The following NME8 variants were observed in gnomAD, a reference collection of about 807,000 sequenced individuals.
NME8 encodes protein NME8.
In NME8, 72 loss-of-function variants were observed where a neutral mutation model predicts 82.3. That is an observed-to-expected ratio of 0.87 (90% CI 0.72 to 1.06). NME8 has a LOEUF of 1.06. Among genes scored for constraint, NME8 ranks in the 50% least tolerant of loss-of-function variants. The pLI is 0.00. For synonymous variants in NME8, 267 were observed against 228.5 expected (o/e 1.17, Z -1.52); for missense variants, 712 against 685.4 (o/e 1.04, Z -0.43).
chr7:37,885,277 A>C (rs2242027), intron 14 of NME8, 25 bp downstream of exon 14: 16 of 1,430,480 alleles, frequency 1.1e-5, no homozygotes, highest in Non-Finnish European at 1.6e-5. Context: ...ATGGGTCACT[A>C]TCTGTTTTCG....
chr7:37,850,149 T>C, intron 2 of NME8, 111 bp from the exon 3 acceptor site: 1 of 778,510 alleles, frequency 1.3e-6, no homozygotes, highest in Non-Finnish European at 2.2e-6. Flanking sequence ...ATACACCTAC[T>C]ATGTACCCAC....
intron 11 of NME8, among the ~76,000 whole-genome samples, chr7:37,869,609 C>T (rs946417578): frequency 6.6e-6 from 1 of 152,092 alleles, no homozygotes; most frequent in African/African-American, 2.4e-5. Flanking sequence ...GCAGCTCTCC[C>T]TCCAGAACAA....
chr7:37,859,725 G>A (rs1004211245), intron 6 of NME8, among the ~76,000 whole-genome samples: 3 of 152,096 alleles, frequency 2.0e-5, no homozygotes, highest in Non-Finnish European at 4.4e-5. Flanking sequence ...TCAATCCTGA[G>A]TCCTGCCATC....
chr7:37,858,957 C>G (rs1784555849), intron 6 of NME8, among the ~76,000 whole-genome samples: 1 of 152,010 alleles, frequency 6.6e-6, no homozygotes, highest in Non-Finnish European at 1.5e-5. Flanking sequence ...TTGGCACTGT[C>G]TCACCTTTCT....
intron 12 of NME8, among the ~76,000 whole-genome samples, chr7:37,882,705 T>C (rs894222450): frequency 7.9e-5 from 12 of 152,154 alleles, no homozygotes; most frequent in Non-Finnish European, 1.8e-4. Context: ...CTTTGAAGTA[T>C]GATTTTTTTA....
rs1407099256 is a variant in NME8 at position 37,900,291 on chromosome 7, G to A, written c.*63G>A. On this transcript the variant is annotated 3_prime_UTR_variant, in exon 18 of 18. Coordinates refer to ENST00000199447, the MANE Select transcript of NME8 (RefSeq NM_016616.5). ...TGTTCACGTCAATATACAACCATTT[G>A]GCACAGCTTCCTGGGAGGAATAATA... 6.6e-6 allele frequency: 1 copy of A among 152,162 alleles called. No homozygotes were observed. The highest frequency in any genetic ancestry group is 2.4e-5 in the African/African-American group (1 of 41,452). 9.4% of individuals were successfully genotyped at this position (152,162 alleles called of 1,614,324 possible).
At chr7:37,891,110 C>T (rs980381754) in intron 15 of NME8, among the ~76,000 whole-genome samples, 1 of 151,856 alleles carries the variant, frequency 6.6e-6, no homozygotes, top group Non-Finnish European at 1.5e-5. Flanking sequence ...CATTTTTAAA[C>T]CAGAATCCTT....
At chr7:37,875,970 G>A (rs2131959181) in intron 11 of NME8, among the ~76,000 whole-genome samples, 1 of 152,228 alleles carries the variant, frequency 6.6e-6, no homozygotes, top group South Asian at 2.1e-4. Flanking sequence ...CACTTTGGGA[G>A]GCCGAGACGG....
intron 12 of NME8, among the ~76,000 whole-genome samples, chr7:37,877,309 T>G (rs1784870545): frequency 6.6e-6 from 1 of 152,194 alleles, no homozygotes. Context: ...AAAGCTTGGA[T>G]CTACCATAAC....
At chr7:37,884,194 C>A (rs1246473551) in intron 12 of NME8, 109 bp from the exon 13 acceptor site, 4 of 782,252 alleles carry the variant, frequency 5.1e-6, no homozygotes, top group Non-Finnish European at 8.6e-6. Context: ...TTCAAAATTT[C>A]GTATGAGAAT....
At chr7:37,851,491 AGC>A (rs1309387699) in intron 5 of NME8, among the ~76,000 whole-genome samples, 69 of 148,794 alleles carry the variant, frequency 4.6e-4, no homozygotes, top group African/African-American at 1.7e-3. Flanking sequence ...ATTAACATTT[AGC>A]ATATGAATTA....
At chr7:37,864,443 T>C (rs1309556910) in intron 9 of NME8, 22 bp downstream of exon 9, 18 of 1,535,878 alleles carry the variant, frequency 1.2e-5, no homozygotes, top group Non-Finnish European at 1.5e-5. Context: ...TTTCCAACTA[T>C]GATTAAATTA....
chr7:37,898,823 A>G (rs1785270300), intron 17 of NME8, among the ~76,000 whole-genome samples: 1 of 152,190 alleles, frequency 6.6e-6, no homozygotes, highest in African/African-American at 2.4e-5. Flanking sequence ...GTCATTAATA[A>G]CATTGATTTG....
At chr7:37,887,351 A>T (rs976541705) in intron 14 of NME8, among the ~76,000 whole-genome samples, 13 of 152,138 alleles carry the variant, frequency 8.5e-5, no homozygotes, top group African/African-American at 2.9e-4. Context: ...TTTAATGTTT[A>T]TAATTTTATA....
chr7:37,898,874 C>T (rs1482252964), intron 17 of NME8, among the ~76,000 whole-genome samples: 1 of 152,106 alleles, frequency 6.6e-6, no homozygotes, highest in East Asian at 1.9e-4. Context: ...ATACACACAA[C>T]CCCTGACATA....
intron 12 of NME8, 108 bp from the exon 13 acceptor site, chr7:37,884,195 G>T (rs879003464): frequency 1.7e-5 from 13 of 786,028 alleles, no homozygotes; most frequent in African/African-American, 1.6e-4. Flanking sequence ...TCAAAATTTC[G>T]TATGAGAATA....
intron 5 of NME8, among the ~76,000 whole-genome samples, chr7:37,854,884 CACA>C (rs1208663212): frequency 2.0e-5 from 3 of 152,154 alleles, no homozygotes; most frequent in African/African-American, 7.2e-5. Context: ...TGAAGTCATG[CACA>C]ACATCTGGAC....
chr7:37,873,604 A>G lies in NME8; in HGVS notation c.819-3228A>G, dbSNP rs1366127590. ...GAAGATTTGTCCATGATGTTCTCAA[A>G]ATTGATCTCCACTCTATGTTTAATA... On this transcript the variant is annotated intron_variant, in intron 11 of 17. Transcript: ENST00000199447. 2.6e-5 allele frequency among the ~76,000 whole-genome samples: 4 copies of G among 152,168 alleles called. No homozygotes were observed. In the East Asian group the frequency reaches 7.7e-4, roughly 29 times the overall value.
Position 37,865,576 on chromosome 7 carries a change from GA to G in NME8, c.582del (p.Glu195AsnfsTer10). On this transcript the variant is annotated frameshift_variant, in exon 10 of 18. Coordinates refer to ENST00000199447, the MANE Select transcript of NME8 (RefSeq NM_016616.5). LOFTEE classifies it high-confidence loss of function. ...IEAEHKTVLTEEQVVNFYSRI... is the reference protein window; with the variant it reads ...IEAEHKTVLTXEQVVNFYSRI... ...AGCAGAGCATAAGACAGTGCTCACT[GA>G]AGAACAAGTTGTCAACTTCTATAGT... The G allele has an allele frequency of 6.2e-7, 1 of 1,613,516 alleles. No homozygotes were observed. Among genetic ancestry groups the G allele is most frequent in the Non-Finnish European group, 8.5e-7 (1 of 1,179,548 alleles).
Sources: allele counts gnomAD v4.1 joint callset (sites outside exome capture counted in the v4.1 genomes callset), GRCh38; gene constraint gnomAD v4.1.1; transcripts MANE v1.5; gene names NCBI Gene and HGNC (gene_info 2026-07-23, HGNC 2026-07-21).